Variants in CNOT1 observed in about 807,000 individuals in gnomAD.
CNOT1 encodes CCR4-associated factor 1.
Under a neutral mutation model 273.8 loss-of-function variants are expected in CNOT1, and 15 were observed. The observed-to-expected ratio is 0.05, with a 90% CI of 0.04 to 0.08. The LOEUF (loss-of-function observed/expected upper bound fraction) is 0.08. Among genes scored for constraint, CNOT1 ranks in the 10% least tolerant of loss-of-function variants. The probability of loss-of-function intolerance (pLI) is 1.00; values close to 1 mark genes in which losing one functional copy is unlikely to be tolerated. For missense variants in CNOT1, 1,644 were observed against 2,912.2 expected, an observed-to-expected ratio of 0.56 and a Z score of 10.02; for synonymous variants, 1,022 against 1,005.5, an observed-to-expected ratio of 1.02 and a Z score of -0.31.
intron 44 of CNOT1, 149 bp from the exon 45 acceptor site, chr16:58,526,287 T>G (rs1434700031): frequency 2.7e-6 from 2 of 743,182 alleles, no homozygotes; most frequent in East Asian, 2.7e-5. Flanking sequence ...TAATCAGTCT[T>G]TCTTTCTTTA....
At chr16:58,546,931 T>C (rs539388708) in intron 27 of CNOT1, among the ~76,000 whole-genome samples, 182 bp from the exon 28 acceptor site, 5 of 152,272 alleles carry the variant, frequency 3.3e-5, no homozygotes, top group African/African-American at 9.6e-5. Context: ...TCTGTAGCCA[T>C]AACAAAACCC....
At chr16:58,560,191 T>C in intron 17 of CNOT1, 21 bp downstream of exon 17, 1 of 1,611,088 alleles carries the variant, frequency 6.2e-7, no homozygotes, top group African/African-American at 1.3e-5. Flanking sequence ...TGAAGATGTA[T>C]CAAATGTAGC....
At chr16:58,609,038 T>C (rs1384695416) in intron 1 of CNOT1, among the ~76,000 whole-genome samples, 1 of 152,200 alleles carries the variant, frequency 6.6e-6, no homozygotes, top group Non-Finnish European at 1.5e-5. Flanking sequence ...CAGTGTATAC[T>C]GCTCAGGTGA....
rs746841115 is a variant in CNOT1 at position 58,558,536 on chromosome 16, G to A, written c.2269C>T (p.Leu757Phe). Reference sequence around the variant, plus strand: ...GCAGTGGTCTGATTGGGGGTTGAAAGGGGTGGAAATGCTTTTGCTGGTGAC... The same window carrying A: ...GCAGTGGTCTGATTGGGGGTTGAAAAGGGTGGAAATGCTTTTGCTGGTGAC... ...PQSPAKAFPP[L>F]STPNQTTAFS... is the part of the protein sequence containing the mutation. The change falls in exon 18 of 49, where the codon CTT becomes TTT. Residue 757 changes from leucine to phenylalanine, a missense_variant. Around this residue, in one of 13 missense-constraint regions of CNOT1, gnomAD observed 706 missense variants for 1,021.2 expected, o/e 0.69. Coordinates refer to ENST00000317147, the MANE Select transcript of CNOT1 (RefSeq NM_016284.5). 2 of 1,613,750 alleles carry A rather than the reference G, an allele frequency of 1.2e-6. No individual in the cohort carries two copies. The highest frequency in any genetic ancestry group is 1.7e-6 in the Non-Finnish European group (2 of 1,179,870).
At chr16:58,526,261 A>T in intron 44 of CNOT1, 123 bp from the exon 45 acceptor site, 1 of 873,756 alleles carries the variant, frequency 1.1e-6, no homozygotes, top group East Asian at 2.6e-5. Context: ...TGAAGAGCAC[A>T]GCTGCCACAT....
chr16:58,603,982 G>C (rs1394224425), intron 1 of CNOT1, among the ~76,000 whole-genome samples: 1 of 152,128 alleles, frequency 6.6e-6, no homozygotes, highest in Non-Finnish European at 1.5e-5. Flanking sequence ...CCCATAGTAA[G>C]AACTCACTAA....
chr16:58,609,294 C>A (rs1339821676), intron 1 of CNOT1, among the ~76,000 whole-genome samples: 1 of 151,996 alleles, frequency 6.6e-6, no homozygotes, highest in East Asian at 1.9e-4. Context: ...ATCACTTGAA[C>A]CTGGGAGGCG....
At chr16:58,569,115 TTTA>T (rs1253650738) in intron 16 of CNOT1, among the ~76,000 whole-genome samples, 6 of 152,190 alleles carry the variant, frequency 3.9e-5, no homozygotes, top group African/African-American at 1.4e-4. Context: ...ACCAAACACA[TTTA>T]TTTTCATTTT....
intron 16 of CNOT1, among the ~76,000 whole-genome samples, chr16:58,565,100 A>G (rs935522371): frequency 1.3e-5 from 2 of 152,102 alleles, no homozygotes; most frequent in African/African-American, 4.8e-5. Context: ...CCATGAATTT[A>G]TCCCTAAATG....
At chr16:58,532,744 A>T (rs564507715) in intron 40 of CNOT1, 1 of 196,304 alleles carries the variant, frequency 5.1e-6, no homozygotes, top group African/African-American at 2.3e-5. Flanking sequence ...CATGAAGTTG[A>T]CATGTGGGAA....
chr16:58,525,926 G>A lies in CNOT1; in HGVS notation c.6603+63C>T, dbSNP rs928299162. 127 of 1,404,800 alleles carry A rather than the reference G, an allele frequency of 9.0e-5. No homozygotes were observed. In the African/African-American group the frequency reaches 1.6e-3, roughly 18 times the overall value. The allele number at this position is 1,404,800 out of a possible 1,614,324, so 87.0% of individuals were successfully genotyped here. ...TAACTCCCAAATGGACCACACACAGGACCATACATAGAAAGTGCTTTATAT... is the reference window on the plus strand; with the variant it reads ...TAACTCCCAAATGGACCACACACAGAACCATACATAGAAAGTGCTTTATAT... On this transcript the variant is annotated intron_variant, in intron 45 of 48. Transcript: ENST00000317147.
intron 1 of CNOT1, among the ~76,000 whole-genome samples, chr16:58,629,450 C>T (rs1007892062): frequency 2.0e-4 from 31 of 152,274 alleles, no homozygotes; most frequent in South Asian, 2.1e-4. Context: ...GGACAGAGAC[C>T]ACCATGGGTC....
intron 39 of CNOT1, 105 bp from the exon 40 acceptor site, chr16:58,534,500 T>A: frequency 8.0e-7 from 1 of 1,245,986 alleles, no homozygotes; most frequent in Non-Finnish European, 1.1e-6. Context: ...TTGTTCCTAC[T>A]GTCATATTTC....
At chr16:58,550,335 T>C (rs1003350427) in intron 24 of CNOT1, among the ~76,000 whole-genome samples, 2 of 152,192 alleles carry the variant, frequency 1.3e-5, no homozygotes, top group African/African-American at 4.8e-5. Flanking sequence ...TTGAACTACA[T>C]AGAGTAAAAT....
intron 17 of CNOT1, among the ~76,000 whole-genome samples, chr16:58,559,085 T>G (rs2040742790): frequency 6.6e-6 from 1 of 152,236 alleles, no homozygotes; most frequent in Admixed American, 6.5e-5. Flanking sequence ...TGTAATTTTA[T>G]ACAGTTTTTT....
intron 1 of CNOT1, among the ~76,000 whole-genome samples, chr16:58,607,395 GCTT>G (rs976437457): frequency 6.6e-6 from 1 of 151,840 alleles, no homozygotes; most frequent in Non-Finnish European, 1.5e-5. Context: ...ATATATAGTT[GCTT>G]TTTTGTGAAA....
intron 16 of CNOT1, among the ~76,000 whole-genome samples, chr16:58,571,547 G>A (rs1023885596): frequency 3.9e-5 from 6 of 151,970 alleles, no homozygotes; most frequent in Non-Finnish European, 5.9e-5. Flanking sequence ...GTGACACAGC[G>A]AGACACAAGA....
chr16:58,606,774 A>C (rs756346995), intron 1 of CNOT1, among the ~76,000 whole-genome samples: 7 of 152,012 alleles, frequency 4.6e-5, no homozygotes, highest in Non-Finnish European at 1.0e-4. Flanking sequence ...ATTGCACTCT[A>C]GCCTGGGCAG....
Position 58,532,314 on chromosome 16 carries a change from T to C in CNOT1, c.5977A>G (p.Ile1993Val). The change falls in exon 41 of 49, where the codon ATT becomes GTT. Residue 1993 changes from isoleucine (I) to valine (V), a missense_variant. By Grantham distance (29) the Ile-to-Val change is conservative (BLOSUM62 3). Coordinates refer to ENST00000317147, the MANE Select transcript of CNOT1 (RefSeq NM_016284.5). ...AGTTCCAAGAGAAGCATGATAAAAA[T>C]TCGATGGTAGGGAAGTTGCTGAAAT... The part of the protein sequence containing the change: ...SEFQQLPYHR[I>V]FIMLLLELNA... The C allele has an allele frequency of 6.2e-7, 1 of 1,614,102 alleles. No homozygotes were observed. The highest frequency in any genetic ancestry group is 8.5e-7 in the Non-Finnish European group (1 of 1,180,024).
Sources: gnomAD v4.1 joint callset for allele counts (sites outside exome capture counted in the v4.1 genomes callset) on GRCh38, gnomAD v4.1.1 for gene constraint, gnomAD v4.1.1 regional missense constraint, MANE v1.5 for transcripts, NCBI Gene and HGNC (gene_info 2026-07-23, HGNC 2026-07-21) for gene names.